The following STPG2 variants were observed in gnomAD, a reference collection of about 807,000 sequenced individuals.
The protein encoded by STPG2 is sperm tail PG-rich repeat containing 2, also known as sperm-tail PG-rich repeat-containing protein 2.
Under a neutral mutation model 54.2 loss-of-function variants are expected in STPG2, and 56 were observed. That is an observed-to-expected ratio of 1.03 (90% CI 0.83 to 1.29). The LOEUF is 1.29. STPG2 is among the 50% of genes most tolerant of loss of function. The pLI is 0.00. For synonymous variants in STPG2, 200 were observed against 181.8 expected (o/e 1.10, Z -0.81); for missense variants, 596 against 544.9 (o/e 1.09, Z -0.93).
intron 3 of STPG2, among the ~76,000 whole-genome samples, chr4:98,112,366 T>C (rs1739388352): frequency 6.6e-6 from 1 of 152,144 alleles, no homozygotes; most frequent in Non-Finnish European, 1.5e-5. Flanking sequence ...CAATGGGCTA[T>C]ACCATATAGC....
chr4:97,446,924 A>T (rs968216399), intron 4 of STPG2, among the ~76,000 whole-genome samples: 5 of 152,176 alleles, frequency 3.3e-5, no homozygotes, highest in Non-Finnish European at 5.9e-5. Context: ...TAAAGATAAC[A>T]TGAAAATGTG....
chr4:97,903,792 G>T (rs1012460790), intron 8 of STPG2, among the ~76,000 whole-genome samples: 1 of 152,216 alleles, frequency 6.6e-6, no homozygotes, highest in East Asian at 1.9e-4. Context: ...CTCGGGAAGC[G>T]CAAGGGGTCA....
intron 8 of STPG2, among the ~76,000 whole-genome samples, chr4:97,883,116 G>A (rs978249833): frequency 2.6e-5 from 4 of 151,568 alleles, no homozygotes; most frequent in Non-Finnish European, 5.9e-5. Flanking sequence ...CCAGGAGTTT[G>A]AGACTAGCAT....
intron 9 of STPG2, among the ~76,000 whole-genome samples, chr4:97,822,539 C>T (rs771784663): frequency 2.3e-4 from 35 of 152,138 alleles, no homozygotes; most frequent in Non-Finnish European, 4.3e-4. Context: ...GCTATTCTTG[C>T]TATAAAGAAA....
In STPG2 at chr4:98,087,578, T is replaced by G. The variant is rs1738560898; in HGVS notation, c.612+18375A>C. On this transcript the variant is annotated intron_variant, in intron 5 of 10. Coordinates refer to ENST00000295268, the MANE Select transcript of STPG2 (RefSeq NM_174952.3). ...TTTTTTTCTTTTTTTTTTTTTTTTT[T>G]GAGACGGAGTCTGGCTCTGTCGCTC... Among the ~76,000 whole-genome samples the G allele has an allele frequency of 1.5e-5, 2 of 136,324 alleles. 1 individual carries two copies. Among genetic ancestry groups the G allele is most frequent in the South Asian group, 4.7e-4 (2 of 4,212 alleles). The allele number at this position is 136,324 out of a possible 152,430, so 89.4% of individuals were successfully genotyped here. A position where few individuals can be genotyped will look rare whatever the true frequency, so the allele number is the denominator to read the frequency against.
At chr4:98,035,209 G>A (rs999869619) in intron 5 of STPG2, among the ~76,000 whole-genome samples, 5 of 152,006 alleles carry the variant, frequency 3.3e-5, no homozygotes, top group Non-Finnish European at 7.4e-5. Context: ...TCTGAAAAAG[G>A]GCTAAGATCC....
downstream of STPG2, among the ~76,000 whole-genome samples, chr4:97,556,859 A>G (rs1732088900): frequency 6.6e-6 from 1 of 152,186 alleles, no homozygotes; most frequent in African/African-American, 2.4e-5. Flanking sequence ...GAAAAGACCT[A>G]TATACCAATA....
intron 7 of STPG2, among the ~76,000 whole-genome samples, chr4:97,954,918 A>T (rs184279009): frequency 6.6e-6 from 1 of 152,216 alleles, no homozygotes; most frequent in Non-Finnish European, 1.5e-5. Context: ...CAGATATTAG[A>T]GTTAGCAGAC....
chr4:97,700,534 G>A (rs968209912), intron 10 of STPG2, among the ~76,000 whole-genome samples: 1 of 152,164 alleles, frequency 6.6e-6, no homozygotes, highest in Admixed American at 6.5e-5. Flanking sequence ...GAGGGAGAAA[G>A]TCCCTGAATT....
At chr4:98,112,737 G>C (rs1322322793) in intron 3 of STPG2, among the ~76,000 whole-genome samples, 1 of 152,084 alleles carries the variant, frequency 6.6e-6, no homozygotes, top group African/African-American at 2.4e-5. Context: ...GCTGAGAAGA[G>C]AGAAACAAGA....
chr4:97,596,509 T>G (rs1374908123), intron 10 of STPG2, among the ~76,000 whole-genome samples: 3 of 152,062 alleles, frequency 2.0e-5, no homozygotes, highest in Non-Finnish European at 4.4e-5. Context: ...ACCACATAAT[T>G]GGCCATAAAA....
intron 4 of STPG2, among the ~76,000 whole-genome samples, chr4:97,452,402 G>A (rs1329926635): frequency 6.6e-6 from 1 of 152,020 alleles, no homozygotes; most frequent in Non-Finnish European, 1.5e-5. Flanking sequence ...CCTTTTTTAG[G>A]CCAGGAACGG....
chr4:97,927,246 T>C (rs1732365853), intron 8 of STPG2, among the ~76,000 whole-genome samples: 1 of 152,132 alleles, frequency 6.6e-6, no homozygotes, highest in Non-Finnish European at 1.5e-5. Flanking sequence ...GATACAAAGG[T>C]AGCACAAATT....
chr4:98,041,524 G>C (rs1279612702), intron 5 of STPG2, among the ~76,000 whole-genome samples: 1 of 151,842 alleles, frequency 6.6e-6, no homozygotes, highest in Non-Finnish European at 1.5e-5. Flanking sequence ...CCTAGTTTTT[G>C]AGGGTTCTTA....
At chr4:97,682,784 A>C (rs985563622) in intron 10 of STPG2, among the ~76,000 whole-genome samples, 2 of 151,856 alleles carry the variant, frequency 1.3e-5, no homozygotes, top group Non-Finnish European at 1.5e-5. Flanking sequence ...AGTGAAATTC[A>C]GATTTGAACA....
chr4:97,736,752 T>G (rs1229590060), intron 9 of STPG2, among the ~76,000 whole-genome samples: 2 of 152,194 alleles, frequency 1.3e-5, no homozygotes, highest in African/African-American at 4.8e-5. Context: ...GAGGCCTGCC[T>G]GCCTCTGTAG....
chr4:97,671,723 A>G (rs925494657), intron 10 of STPG2, among the ~76,000 whole-genome samples: 1 of 152,144 alleles, frequency 6.6e-6, no homozygotes, highest in African/African-American at 2.4e-5. Context: ...TGTCACCTAC[A>G]TGTACTTGAA....
chr4:97,965,034 G>T (rs1304667815), intron 7 of STPG2, among the ~76,000 whole-genome samples: 3 of 152,140 alleles, frequency 2.0e-5, no homozygotes, highest in Non-Finnish European at 4.4e-5. Context: ...AGTAGGACAG[G>T]GCATCACCTC....
intron 9 of STPG2, among the ~76,000 whole-genome samples, chr4:97,803,774 C>A (rs1217445560): frequency 6.6e-6 from 1 of 152,190 alleles, no homozygotes; most frequent in Admixed American, 6.5e-5. Context: ...CTCCTGACCT[C>A]AAATGATCTG....
Sources: gnomAD v4.1 joint callset for allele counts (sites outside exome capture counted in the v4.1 genomes callset) on GRCh38, gnomAD v4.1.1 for gene constraint, MANE v1.5 for transcripts, NCBI Gene and HGNC (gene_info 2026-07-23, HGNC 2026-07-21) for gene names.